BCAS3: variants seen among roughly 807,000 people sequenced by gnomAD.
BCAS3 encodes BCAS4/BCAS3 fusion.
BCAS3 carries 53 observed loss-of-function variants against 116.1 expected under a neutral mutation model. That is an observed-to-expected ratio of 0.46 (90% confidence interval 0.37 to 0.57). The LOEUF is 0.57. Among genes scored for constraint, BCAS3 ranks in the 20% least tolerant of loss-of-function variants. The probability of loss-of-function intolerance (pLI) is 0.00; values close to 1 mark genes in which losing one functional copy is unlikely to be tolerated. For synonymous variants in BCAS3, 391 were observed against 408.2 expected (o/e 0.96, Z 0.51); for missense variants, 917 against 1,165.4 (o/e 0.79, Z 3.10).
intron 11 of BCAS3, among the ~76,000 whole-genome samples, chr17:60,909,408 AT>A (rs941024515): frequency 9.9e-5 from 15 of 151,520 alleles, no homozygotes; most frequent in East Asian, 1.9e-4. Flanking sequence ...TTAGGTAAGG[AT>A]TTTTTTTTCA....
At position 61,300,522 on chromosome 17, in the gene BCAS3, A is replaced by G. The variant is rs904979520; in HGVS notation, c.2426-67805A>G. 1.1e-4 allele frequency among the ~76,000 whole-genome samples: 16 copies of G among 152,162 alleles called. No individual in the cohort carries two copies. The highest frequency in any genetic ancestry group is 3.9e-4 in the African/African-American group (16 of 41,430). ...TTTCATTGCAGACTCTTTAGAAAAA[A>G]TGTATGGCATCTTGACGCAGTGTTC... On this transcript the variant is annotated intron_variant, in intron 22 of 23. Coordinates refer to ENST00000407086, the MANE Select transcript of BCAS3 (RefSeq NM_017679.5). This position sits in a 1 kb window ranked among gnomAD's most constrained non-coding sequence, Gnocchi z 5.1.
At chr17:60,898,569 T>A (rs1297003646) in intron 10 of BCAS3, among the ~76,000 whole-genome samples, 3 of 152,132 alleles carry the variant, frequency 2.0e-5, no homozygotes, top group Admixed American at 2.0e-4. Context: ...GGTTGACTGG[T>A]CATCAGTATG....
At chr17:60,710,644 G>C (rs1021951214) in intron 5 of BCAS3, among the ~76,000 whole-genome samples, 4 of 151,708 alleles carry the variant, frequency 2.6e-5, no homozygotes, top group Non-Finnish European at 5.9e-5. Flanking sequence ...CGTTAGCCAG[G>C]ATGATCTTGA....
intron 4 of BCAS3, among the ~76,000 whole-genome samples, chr17:60,704,184 A>T (rs1380568505): frequency 6.6e-6 from 1 of 152,136 alleles, no homozygotes; most frequent in African/African-American, 2.4e-5. Context: ...ATCATTGAGG[A>T]GAAAGGTTAT....
chr17:60,897,784 C>G (rs1364115536), intron 10 of BCAS3, among the ~76,000 whole-genome samples: 4 of 152,184 alleles, frequency 2.6e-5, no homozygotes. Flanking sequence ...GGTGCAATCA[C>G]AGCTCACTGC....
chr17:60,803,951 A>G (rs920898550), intron 6 of BCAS3, among the ~76,000 whole-genome samples: 1 of 150,580 alleles, frequency 6.6e-6, no homozygotes, highest in African/African-American at 2.4e-5. Context: ...ACAGGCATGC[A>G]CCACCACGCC....
intron 7 of BCAS3, among the ~76,000 whole-genome samples, chr17:60,852,262 A>G (rs1461806683): frequency 6.6e-6 from 1 of 152,164 alleles, no homozygotes; most frequent in Non-Finnish European, 1.5e-5. Flanking sequence ...TGTTTCCTAA[A>G]GAAAACCACT....
In BCAS3 at chr17:60,774,375, A is replaced by G. The variant is rs200179191; in HGVS notation, c.403+27096A>G. Among the ~76,000 whole-genome samples, 5 of 152,222 alleles carry G rather than the reference A, an allele frequency of 3.3e-5. No individual in the cohort carries two copies. In the East Asian group the frequency reaches 7.7e-4, roughly 23 times the overall value. The stretch of plus-strand genomic sequence containing the variant: ...GACATGTTCACTTTCCTCTCCTTGA[A>G]TAAATGGAATATGTTTATCATAGGA... On this transcript the variant is annotated intron_variant, in intron 6 of 23. Coordinates refer to ENST00000407086, the MANE Select transcript of BCAS3 (RefSeq NM_017679.5).
intron 6 of BCAS3, among the ~76,000 whole-genome samples, chr17:60,762,774 G>A (rs62522973): frequency 0.19 from 28,168 of 151,922 alleles, 4,118 homozygotes; most frequent in African/African-American, 0.41. Flanking sequence ...CATTGAATCT[G>A]TAAATTACCT....
At position 61,376,812 on chromosome 17, in the gene BCAS3, A is replaced by G. The variant is rs2059361686; in HGVS notation, c.2593+8318A>G. ...TAGGGCTTTTCCTCTGCCTTATCTA[A>G]TTGGGCCCTGGAGTTTTCCTCCTTC... is the stretch of plus-strand genomic sequence containing the variant. On this transcript the variant is annotated intron_variant, in intron 23 of 23. Coordinates refer to ENST00000407086, the MANE Select transcript of BCAS3 (RefSeq NM_017679.5). This position sits in a 1 kb window ranked among gnomAD's most constrained non-coding sequence, Gnocchi z 4.5. 6.6e-6 allele frequency among the ~76,000 whole-genome samples: 1 copy of G among 152,164 alleles called. No homozygotes were observed.
At chr17:61,311,046 A>G (rs1252820418) in intron 22 of BCAS3, among the ~76,000 whole-genome samples, 7 of 152,188 alleles carry the variant, frequency 4.6e-5, no homozygotes, top group Non-Finnish European at 7.3e-5. Flanking sequence ...GTATACCTAC[A>G]TCCTCGGGTT....
chr17:60,765,935 T>A (rs1598556541), intron 6 of BCAS3, among the ~76,000 whole-genome samples: 1 of 152,238 alleles, frequency 6.6e-6, no homozygotes, highest in South Asian at 2.1e-4. Context: ...TTCATTAATT[T>A]GATCTTCAAT....
chr17:60,874,749 A>AT lies in BCAS3; in HGVS notation c.661+19dup. 1.6e-5 allele frequency: 26 copies of AT among 1,588,706 alleles called. No homozygotes were observed. The highest frequency in any genetic ancestry group is 2.3e-5 in the East Asian group (1 of 44,274). ...AATTCTTTGTTACAAGTATGTACCAATTTTTTTTCCCTTCTTATGCCTTTG... is the reference window on the plus strand; with the variant it reads ...AATTCTTTGTTACAAGTATGTACCAATTTTTTTTTCCCTTCTTATGCCTTTG... On this transcript the variant is annotated intron_variant, in intron 9 of 23. Transcript: ENST00000407086.
rs2074628268 is a variant in BCAS3 at position 61,106,069 on chromosome 17, C to T, written c.2425+21505C>T. Among the ~76,000 whole-genome samples the T allele has an allele frequency of 6.6e-6, 1 of 152,148 alleles. No homozygotes were observed. The highest frequency in any genetic ancestry group is 2.4e-5 in the African/African-American group (1 of 41,424). ...GTTGCAGTATTACAGTGCTTGTATTCAGGTAACCTTTATTTTACTTAATGG... is the reference window on the plus strand; with the variant it reads ...GTTGCAGTATTACAGTGCTTGTATTTAGGTAACCTTTATTTTACTTAATGG... On this transcript the variant is annotated intron_variant, in intron 22 of 23. Transcript: ENST00000407086. The surrounding 1 kb of genome is among the most constrained non-coding windows in gnomAD (Gnocchi z 4.2).
intron 8 of BCAS3, 45 bp downstream of exon 8, chr17:60,868,728 C>CCCAGGAGAGCATGTT: frequency 1.6e-6 from 2 of 1,213,716 alleles, no homozygotes; most frequent in Non-Finnish European, 2.3e-6. Context: ...AAGAAACATG[C>CCCAGGAGAGCATGTT]TCTCCTGGGC....
intron 19 of BCAS3, among the ~76,000 whole-genome samples, chr17:61,054,508 A>G (rs1188933219): frequency 6.6e-6 from 1 of 152,200 alleles, no homozygotes; most frequent in East Asian, 1.9e-4. Context: ...CTGGGACTAC[A>G]GGTGTGCACC....
chr17:60,885,811 T>C (rs902439847), intron 9 of BCAS3, among the ~76,000 whole-genome samples: 1 of 144,784 alleles, frequency 6.9e-6, no homozygotes, highest in African/African-American at 2.9e-5. Context: ...TGCCGAGAGA[T>C]CTGCTGTTAG....
Position 61,392,274 on chromosome 17 carries a change from A to T in BCAS3, c.*149A>T. ...GACAGCAGCCGCCCATCCTACCTGG[A>T]TGGAGAAGAGACCCTTCTCCAAGCA... On this transcript the variant is annotated 3_prime_UTR_variant, in exon 24 of 24. Transcript: ENST00000407086. The surrounding 1 kb of genome is among the most constrained non-coding windows in gnomAD (Gnocchi z 6.4). 1.0e-6 allele frequency: 1 copy of T among 957,762 alleles called. No homozygotes were observed. Among genetic ancestry groups the T allele is most frequent in the Non-Finnish European group, 1.5e-6 (1 of 658,798 alleles). 59.3% of individuals were successfully genotyped at this position (957,762 alleles called of 1,614,324 possible). A position where few individuals can be genotyped will look rare whatever the true frequency, so the allele number is the denominator to read the frequency against.
At chr17:61,167,532 A>G (rs2078582529) in intron 22 of BCAS3, among the ~76,000 whole-genome samples, 1 of 152,206 alleles carries the variant, frequency 6.6e-6, no homozygotes. Flanking sequence ...TTCTGACACA[A>G]TCTAGCAGAT....
Sources: allele counts gnomAD v4.1 joint callset (sites outside exome capture counted in the v4.1 genomes callset), GRCh38; gene constraint gnomAD v4.1.1; non-coding constraint Gnocchi (gnomAD v3.1); transcripts MANE v1.5; gene names NCBI Gene and HGNC (gene_info 2026-07-23, HGNC 2026-07-21).